TSEN34: variants seen among roughly 807,000 people sequenced by gnomAD.
TSEN34 encodes the protein tRNA-splicing endonuclease subunit Sen34.
Under a neutral mutation model 30.2 loss-of-function variants are expected in TSEN34, and 25 were observed. The observed-to-expected ratio is 0.83, with a 90% CI of 0.60 to 1.16. TSEN34 has a LOEUF of 1.16. Ranked by LOEUF, TSEN34 falls within the 50% of genes most tolerant of loss-of-function variation. The pLI is 0.00. For synonymous variants in TSEN34, 209 were observed against 177.4 expected, an observed-to-expected ratio of 1.18 and a Z score of -1.41; for missense variants, 475 against 411.9, an observed-to-expected ratio of 1.15 and a Z score of -1.33.
upstream of TSEN34, chr19:54,190,480 C>T: frequency 7.4e-7 from 1 of 1,355,786 alleles, no homozygotes. Context: ...GAGTGGACGG[C>T]GGGTGTCCAG....
intron 3 of TSEN34, 38 bp downstream of exon 3, chr19:54,192,411 C>T: frequency 6.2e-7 from 1 of 1,611,906 alleles, no homozygotes; most frequent in Non-Finnish European, 8.5e-7. Context: ...CTGTGCCTTT[C>T]CATACGATCC....
At chr19:54,189,576 A>G (rs1408255295), upstream of TSEN34, 1 of 152,696 alleles carries the variant, frequency 6.5e-6, no homozygotes, top group Non-Finnish European at 1.5e-5. Context: ...GTCCAGGTCC[A>G]CACTGGGATC....
At chr19:54,192,451 T>C in intron 3 of TSEN34, 78 bp downstream of exon 3, 1 of 1,591,042 alleles carries the variant, frequency 6.3e-7, no homozygotes. Flanking sequence ...CTTTTTTTTT[T>C]TTTTTGTCTT....
At chr19:54,191,172 C>G (rs894209792), upstream of TSEN34, 5 of 1,381,988 alleles carry the variant, frequency 3.6e-6, no homozygotes, top group African/African-American at 1.5e-5. Flanking sequence ...GCCGCGAGGC[C>G]TGGTGGGATC....
rs894369896 is a variant in TSEN34, at chr19:54,191,719, A to G, written c.244-2A>G. 1 of 1,613,936 alleles carries G rather than the reference A, an allele frequency of 6.2e-7. No homozygotes were observed. The highest frequency in any genetic ancestry group is 8.5e-7 in the Non-Finnish European group (1 of 1,180,020). On this transcript the variant is annotated splice_acceptor_variant, in intron 1 of 3. Transcript: ENST00000396388. LOFTEE classifies it high-confidence loss of function. ...GAGGTTCCAGCGAAGTGTGCTTCTC[A>G]GGCCCTGACATCCTTCAAGCGCCAG...
rs753551224 is a variant in TSEN34 at position 54,191,493 on chromosome 19, C to T, written c.129C>T (p.Asn43=). The T allele has an allele frequency of 1.2e-5, 19 of 1,568,828 alleles. No individual in the cohort carries two copies. The highest frequency in any genetic ancestry group is 1.6e-5 in the Non-Finnish European group (19 of 1,161,388). ...CCCTGCCCCGCGGGCCCCGCCAGAA[C>T]TCGCGCCTGGGCCTCCCGCTGCTGC... ...VGALPRGPRQ[N]SRLGLPLLLM... Residue 43 remains asparagine (N), a synonymous_variant, in exon 1 of 4, where the codon AAC becomes AAT. Coordinates refer to ENST00000396388, the MANE Select transcript of TSEN34 (RefSeq NM_001077446.4).
Position 54,193,456 on chromosome 19 carries a change from C to A in TSEN34, c.*94C>A. Reference sequence around the variant, plus strand: ...TCTGGGAGTCTAGAACATCCTCCTACCTTTCTCCGCGGTTAGTTTTTGATT... The same window carrying A: ...TCTGGGAGTCTAGAACATCCTCCTAACTTTCTCCGCGGTTAGTTTTTGATT... On this transcript the variant is annotated 3_prime_UTR_variant, in exon 4 of 4. Transcript: ENST00000396388. The A allele has an allele frequency of 6.3e-7, 1 of 1,578,828 alleles. No homozygotes were observed. The highest frequency in any genetic ancestry group is 8.6e-7 in the Non-Finnish European group (1 of 1,162,514).
chr19:54,192,370 C>T lies in TSEN34; in HGVS notation c.742C>T (p.Pro248Ser), dbSNP rs373002382. 8.6e-5 allele frequency: 138 copies of T among 1,614,016 alleles called. No homozygotes were observed. Among genetic ancestry groups the T allele is most frequent in the Non-Finnish European group, 1.1e-4 (132 of 1,180,044 alleles). Residue 248 changes from proline to serine, a missense_variant, in exon 3 of 4, where the codon CCT becomes TCT. Coordinates refer to ENST00000396388, the MANE Select transcript of TSEN34 (RefSeq NM_001077446.4). ...GKFGGDFLVY[P>S]GDPLRFHAHY... The stretch of plus-strand genomic sequence containing the variant: ...GTTCGGAGGTGACTTCCTGGTCTAT[C>T]CTGGTGAGTATGGGTTGGGGCCTCT...
rs760243827 is a variant in TSEN34 at position 54,192,265 on chromosome 19, G to T, written c.637G>T (p.Gly213Cys). ...RVQSKDWPHA[G>C]RPAHELRYSI... ...CCAGTCTAAAGACTGGCCCCACGCC[G>T]GCCGCCCTGCCCACGAGCTGCGCTA... The change falls in exon 3 of 4, where the codon GGC becomes TGC. Residue 213 changes from glycine to cysteine, a missense_variant. Coordinates refer to ENST00000396388, the MANE Select transcript of TSEN34 (RefSeq NM_001077446.4). The T allele has an allele frequency of 3.7e-6, 6 of 1,613,836 alleles. No homozygotes were observed. The highest frequency in any genetic ancestry group is 1.1e-5 in the South Asian group (1 of 91,062).
upstream of TSEN34, chr19:54,190,356 A>G (rs1243301203): frequency 1.9e-5 from 29 of 1,527,192 alleles, no homozygotes; most frequent in East Asian, 2.6e-5. Flanking sequence ...CTCGACTGCG[A>G]ATTACTGTTT....
At position 54,193,381 on chromosome 19, in the gene TSEN34, A is replaced by T. The variant is rs764300042; in HGVS notation, c.*19A>T. Reference sequence around the variant, plus strand: ...GCAGTGAACTCCAGAGACCTAGGGGATGTGGCTGTGTCGGCAGCAAGAGCC... The same window carrying T: ...GCAGTGAACTCCAGAGACCTAGGGGTTGTGGCTGTGTCGGCAGCAAGAGCC... On this transcript the variant is annotated 3_prime_UTR_variant, in exon 4 of 4. Transcript: ENST00000396388. 68 of 1,613,912 alleles carry T rather than the reference A, an allele frequency of 4.2e-5. No homozygotes were observed. The highest frequency in any genetic ancestry group is 5.3e-5 in the Non-Finnish European group (63 of 1,179,986).
Position 54,191,604 on chromosome 19 carries a change from C to T in TSEN34, c.240C>T (p.Ser80=), listed in dbSNP as rs757253024. ...CGCGTCCAGACTCTCGGCACCACAG[C>T]CTGGTAAGGGGGCGGGGCTCGAACT... The part of the protein sequence containing the change: ...SAPRPDSRHH[S]LALTSFKRQQ... Residue 80 remains serine, a synonymous_variant, in exon 1 of 4, where the codon AGC becomes AGT. Coordinates refer to ENST00000396388, the MANE Select transcript of TSEN34 (RefSeq NM_001077446.4). 6.2e-7 allele frequency: 1 copy of T among 1,603,670 alleles called. No homozygotes were observed. The highest frequency in any genetic ancestry group is 1.1e-5 in the South Asian group (1 of 91,040).
At chr19:54,190,273 A>C, upstream of TSEN34, 3 of 1,226,070 alleles carry the variant, frequency 2.4e-6, no homozygotes, top group South Asian at 3.9e-5. Context: ...CGGGATGACG[A>C]AGTTGACGAG....
At position 54,193,506 on chromosome 19, in the gene TSEN34, T is replaced by A. The variant is rs2076786480; in HGVS notation, c.*144T>A. The A allele has an allele frequency of 6.5e-7, 1 of 1,543,526 alleles. No individual in the cohort carries two copies. Among genetic ancestry groups the A allele is most frequent in the African/African-American group, 1.4e-5 (1 of 72,814 alleles). On this transcript the variant is annotated 3_prime_UTR_variant, in exon 4 of 4. Coordinates refer to ENST00000396388, the MANE Select transcript of TSEN34 (RefSeq NM_001077446.4). ...TCCAGGTTTTCGAACACTACATCTT[T>A]TTTATGTTCTTCCTTGTTTCAAAGC...
chr19:54,192,222 G>T lies in TSEN34; in HGVS notation c.594G>T (p.Arg198Ser). ...ATARPRPVKA[R>S]PLDWRVQSKD... ...CCAGGCCTCGACCGGTCAAGGCCAG[G>T]CCCCTGGACTGGCGTGTCCAGTCTA... is the stretch of plus-strand genomic sequence containing the variant. The change falls in exon 3 of 4, where the codon AGG becomes AGT. Residue 198 changes from arginine to serine, a missense_variant. Arg to Ser is a moderately radical substitution (Grantham distance 110). Coordinates refer to ENST00000396388, the MANE Select transcript of TSEN34 (RefSeq NM_001077446.4). The T allele has an allele frequency of 6.2e-7, 1 of 1,614,118 alleles. No individual in the cohort carries two copies. Among genetic ancestry groups the T allele is most frequent in the Non-Finnish European group, 8.5e-7 (1 of 1,179,998 alleles).
chr19:54,193,288 A>T lies in TSEN34; in HGVS notation c.859A>T (p.Thr287Ser). 1 of 1,613,886 alleles carries T rather than the reference A, an allele frequency of 6.2e-7. No individual in the cohort carries two copies. The highest frequency in any genetic ancestry group is 1.1e-5 in the South Asian group (1 of 91,058). ...AGRLGTSVRK[T>S]LLLCSPQPDG... ...GCGCCTTGGAACCAGCGTCAGAAAGACCCTGCTCCTCTGTTCTCCGCAGCC... is the reference window on the plus strand; with the variant it reads ...GCGCCTTGGAACCAGCGTCAGAAAGTCCCTGCTCCTCTGTTCTCCGCAGCC... Residue 287 changes from threonine (T) to serine (S), a missense_variant, in exon 4 of 4, where the codon ACC becomes TCC. By Grantham distance (58) the Thr-to-Ser change is moderately conservative. Coordinates refer to ENST00000396388, the MANE Select transcript of TSEN34 (RefSeq NM_001077446.4).
Position 54,192,136 on chromosome 19 carries a change from G to A in TSEN34, c.508G>A (p.Gly170Arg). 3 of 1,614,208 alleles carry A rather than the reference G, an allele frequency of 1.9e-6. No individual in the cohort carries two copies. The highest frequency in any genetic ancestry group is 1.3e-5 in the African/African-American group (1 of 75,050). ...EEAGPSSSQA[G>R]PSNGVAPLPR... The stretch of plus-strand genomic sequence containing the variant: ...ACCAGGCCCCTCGTCTTCCCAAGCA[G>A]GACCCTCAAATGGGGTAGCCCCCTT... Residue 170 changes from glycine (G) to arginine (R), a missense_variant, in exon 3 of 4, where the codon GGA (glycine) becomes AGA (arginine). Gly to Arg is a moderately radical substitution (Grantham distance 125). Transcript: ENST00000396388.
upstream of TSEN34, chr19:54,190,808 G>A (rs2147069179): frequency 2.8e-6 from 3 of 1,084,536 alleles, no homozygotes; most frequent in Non-Finnish European, 3.4e-6. Context: ...AGAGCGAGGA[G>A]GTCCGAAAGC....
chr19:54,193,769 T>A lies in TSEN34; in HGVS notation c.*407T>A. On this transcript the variant is annotated 3_prime_UTR_variant, in exon 4 of 4. Transcript: ENST00000396388. ...AGGAGGGGGACTGACTTGCCCAAAG[T>A]CACACACTTAGTAAATAGCAGGCCT... 2 of 695,436 alleles carry A rather than the reference T, an allele frequency of 2.9e-6. No homozygotes were observed. Among genetic ancestry groups the A allele is most frequent in the Non-Finnish European group, 5.2e-6 (2 of 382,500 alleles). The allele number at this position is 695,436 out of a possible 1,614,324, so 43.1% of individuals were successfully genotyped here. A position where few individuals can be genotyped will look rare whatever the true frequency, so the allele number is the denominator to read the frequency against.
Sources: allele counts gnomAD v4.1 joint callset, GRCh38; gene constraint gnomAD v4.1.1; transcripts MANE v1.5; gene names NCBI Gene and HGNC (gene_info 2026-07-23, HGNC 2026-07-21).